The following RABGEF1 variants were observed in gnomAD, a reference collection of about 807,000 sequenced individuals.
RABGEF1 encodes rab5 GDP/GTP exchange factor.
Under a neutral mutation model 57.3 loss-of-function variants are expected in RABGEF1, and 26 were observed. That is an observed-to-expected ratio of 0.45 (90% CI 0.33 to 0.63). The LOEUF (loss-of-function observed/expected upper bound fraction) is 0.63, where lower values mean the gene tolerates loss of function less well. Among genes scored for constraint, RABGEF1 ranks in the 20% least tolerant of loss-of-function variants. The pLI, the probability that RABGEF1 is intolerant of heterozygous loss-of-function variation, is 0.02. For missense variants in RABGEF1, 464 were observed against 607.6 expected (o/e 0.76, Z 2.48); for synonymous variants, 185 against 210.7 (o/e 0.88, Z 1.06).
At chr7:66,699,203 G>T (rs1792831901) in intron 1 of RABGEF1, among the ~76,000 whole-genome samples, 1 of 152,166 alleles carries the variant, frequency 6.6e-6, no homozygotes, top group African/African-American at 2.4e-5. Context: ...CCCTCTCCAG[G>T]GAGAGCTAGG....
rs1283750574 is a variant in RABGEF1, at chr7:66,720,201, T to A, written c.-815+7977T>A. Among the ~76,000 whole-genome samples, 165 of 145,206 alleles carry A rather than the reference T, an allele frequency of 1.1e-3. 1 individual carries two copies. Among genetic ancestry groups the A allele is most frequent in the African/African-American group, 3.9e-3 (158 of 40,522 alleles). On this transcript the variant is annotated intron_variant and NMD_transcript_variant, in intron 2 of 9. Coordinates refer to the RABGEF1 transcript ENST00000607882. ...ATTATTATTATTATTATTATTTTTT[T>A]TTTTTTTTCTTTGAGAGGGTGAGTC... is the stretch of plus-strand genomic sequence containing the variant.
intron 1 of RABGEF1, among the ~76,000 whole-genome samples, chr7:66,742,160 ACT>A (rs1233761305): frequency 4.6e-5 from 7 of 151,890 alleles, no homozygotes; most frequent in African/African-American, 1.7e-4. Flanking sequence ...CAAAAAAAAA[ACT>A]AAGAGTCTGT....
Position 66,771,914 on chromosome 7 carries a change from T to C in RABGEF1, c.15T>C (p.Ser5=). The C allele has an allele frequency of 6.4e-7, 1 of 1,553,802 alleles. No individual in the cohort carries two copies. The highest frequency in any genetic ancestry group is 8.7e-7 in the Non-Finnish European group (1 of 1,149,254). MSLK[S]ERRGIHVDQS... ...GCAGGAAGAAGATGAGCCTTAAGTC[T>C]GAACGCCGAGGAATTCATGTGGATC... The change falls in exon 2 of 9, where the codon TCT becomes TCC. Residue 5 remains serine, a synonymous_variant. Coordinates refer to ENST00000284957, the MANE Select transcript of RABGEF1 (RefSeq NM_014504.3).
At chr7:66,704,418 A>G (rs1249711224) in intron 1 of RABGEF1, among the ~76,000 whole-genome samples, 1 of 151,984 alleles carries the variant, frequency 6.6e-6, no homozygotes, top group South Asian at 2.1e-4. Flanking sequence ...CAGTGACATC[A>G]CTCTGTATGC....
chr7:66,692,043 C>T (rs1183242091), intron 1 of RABGEF1, among the ~76,000 whole-genome samples: 3 of 151,936 alleles, frequency 2.0e-5, no homozygotes, highest in Non-Finnish European at 4.4e-5. Context: ...AGCGACAAAG[C>T]AAGACCCTGT....
At chr7:66,791,131 T>G (rs1338137054) in intron 4 of RABGEF1, among the ~76,000 whole-genome samples, 1 of 152,266 alleles carries the variant, frequency 6.6e-6, no homozygotes, top group Non-Finnish European at 1.5e-5. Context: ...ATGCGTTCCT[T>G]AGACACTGTC....
At chr7:66,784,643 A>AT (rs1292254316) in intron 4 of RABGEF1, among the ~76,000 whole-genome samples, 1 of 152,228 alleles carries the variant, frequency 6.6e-6, no homozygotes, top group Non-Finnish European at 1.5e-5. Context: ...GTTTAGCTAT[A>AT]TTCTAGCTGG....
At chr7:66,719,584 A>G (rs1396263031) in intron 2 of RABGEF1, among the ~76,000 whole-genome samples, 1 of 152,164 alleles carries the variant, frequency 6.6e-6, no homozygotes, top group African/African-American at 2.4e-5. Flanking sequence ...TTAAGGAGGG[A>G]GTAATATGAA....
At chr7:66,684,718 T>C (rs550011498) in intron 1 of RABGEF1, among the ~76,000 whole-genome samples, 47 of 152,180 alleles carry the variant, frequency 3.1e-4, no homozygotes, top group African/African-American at 9.9e-4. Context: ...CACTGCAAGC[T>C]CCGCCTCCAG....
intron 1 of RABGEF1, among the ~76,000 whole-genome samples, chr7:66,693,095 G>T (rs1228882434): frequency 1.3e-5 from 2 of 152,192 alleles, no homozygotes; most frequent in Non-Finnish European, 2.9e-5. Flanking sequence ...CGTCGTTCTA[G>T]AAGCCCTGAG....
At chr7:66,803,901 A>G (rs898897586) in intron 7 of RABGEF1, among the ~76,000 whole-genome samples, 1 of 150,322 alleles carries the variant, frequency 6.7e-6, no homozygotes, top group Middle Eastern at 3.4e-3. Flanking sequence ...AAAAAAAAAA[A>G]AAGAAAGAAA....
intron 1 of RABGEF1, among the ~76,000 whole-genome samples, chr7:66,742,025 C>T (rs1799098327): frequency 6.6e-6 from 1 of 151,604 alleles, no homozygotes; most frequent in Non-Finnish European, 1.5e-5. Context: ...GTGGCGGGCA[C>T]CTGTAGTCCC....
At chr7:66,705,606 T>G (rs567608334) in intron 1 of RABGEF1, among the ~76,000 whole-genome samples, 1 of 152,306 alleles carries the variant, frequency 6.6e-6, no homozygotes, top group African/African-American at 2.4e-5. Flanking sequence ...TTGCTTCAAT[T>G]ATCTTTTAGA....
intron 1 of RABGEF1, among the ~76,000 whole-genome samples, chr7:66,741,180 G>A (rs1166246351): frequency 6.6e-6 from 1 of 152,194 alleles, no homozygotes; most frequent in Non-Finnish European, 1.5e-5. Context: ...CAGCGTCTGT[G>A]GTCGCACGGG....
chr7:66,681,005 C>T (rs1440166090), upstream of RABGEF1, among the ~76,000 whole-genome samples: 1 of 152,020 alleles, frequency 6.6e-6, no homozygotes, highest in South Asian at 2.1e-4. Flanking sequence ...ATCGCTTGAA[C>T]CTAGGAGGCG....
chr7:66,759,029 T>G (rs894075188), intron 1 of RABGEF1, among the ~76,000 whole-genome samples: 3 of 152,206 alleles, frequency 2.0e-5, no homozygotes, highest in African/African-American at 7.2e-5. Context: ...ACCAGGAAAT[T>G]GATATTTGTG....
chr7:66,780,462 G>A (rs143429361), intron 3 of RABGEF1, among the ~76,000 whole-genome samples: 238 of 152,246 alleles, frequency 1.6e-3, no homozygotes, highest in African/African-American at 5.5e-3. Context: ...GTGCATAATA[G>A]GCATTATCTA....
chr7:66,725,475 A>G (rs1158830795), intron 2 of RABGEF1, among the ~76,000 whole-genome samples: 1 of 152,150 alleles, frequency 6.6e-6, no homozygotes, highest in African/African-American at 2.4e-5. Context: ...GTGACTTAGC[A>G]TCATGTGTTC....
intron 1 of RABGEF1, among the ~76,000 whole-genome samples, chr7:66,762,769 T>G (rs1037459872): frequency 6.6e-5 from 10 of 151,964 alleles, no homozygotes; most frequent in African/African-American, 2.4e-4. Context: ...GAAATGGCAT[T>G]GGGTCCAATA....
Sources: gnomAD v4.1 joint callset for allele counts (sites outside exome capture counted in the v4.1 genomes callset) on GRCh38, gnomAD v4.1.1 for gene constraint, MANE v1.5 for transcripts, NCBI Gene and HGNC (gene_info 2026-07-23, HGNC 2026-07-21) for gene names.